COL28A1: variants seen among roughly 807,000 people sequenced by gnomAD.
COL28A1 encodes collagen type XXVIII alpha 1 chain.
In COL28A1, 161 loss-of-function variants were observed where a neutral mutation model predicts 150.2. The observed-to-expected ratio is 1.07, with a 90% CI of 0.94 to 1.22. The LOEUF (loss-of-function observed/expected upper bound fraction) is 1.22, where lower values mean the gene tolerates loss of function less well. COL28A1 is among the 50% of genes most tolerant of loss of function. The probability of loss-of-function intolerance (pLI) is 0.00; values close to 1 mark genes in which losing one functional copy is unlikely to be tolerated. For synonymous variants in COL28A1, 552 were observed against 469.7 expected (o/e 1.18, Z -2.26); for missense variants, 1,617 against 1,388.3 (o/e 1.16, Z -2.62).
upstream of COL28A1, among the ~76,000 whole-genome samples, chr7:7,539,747 T>C (rs1782753464): frequency 6.6e-6 from 1 of 152,192 alleles, no homozygotes; most frequent in Admixed American, 6.5e-5. Context: ...ACATTCCCTC[T>C]ACTATTTTTC....
At chr7:7,445,384 C>G (rs1041007104) in intron 18 of COL28A1, among the ~76,000 whole-genome samples, 3 of 152,122 alleles carry the variant, frequency 2.0e-5, no homozygotes, top group Admixed American at 2.0e-4. Context: ...GACCAGGAAG[C>G]AATCTCCCTT....
chr7:7,393,821 C>G (rs148254713), intron 27 of COL28A1, among the ~76,000 whole-genome samples: 1,715 of 152,260 alleles, frequency 0.011, 23 homozygotes, highest in Non-Finnish European at 0.014. Flanking sequence ...GACTGCTGTG[C>G]TGGCAGTGAG....
At position 7,455,287 on chromosome 7, in the gene COL28A1, G is replaced by C. The variant is rs76196298; in HGVS notation, c.1371+757C>G. Reference sequence around the variant, plus strand: ...GTGGGTTGCTTTGATTAATAAGGCTGCGTAAGTATATGGCAAACAACAAAG... The same window carrying C: ...GTGGGTTGCTTTGATTAATAAGGCTCCGTAAGTATATGGCAAACAACAAAG... On this transcript the variant is annotated intron_variant, in intron 16 of 34. Coordinates refer to ENST00000399429, the MANE Select transcript of COL28A1 (RefSeq NM_001037763.3). Among the ~76,000 whole-genome samples the C allele has an allele frequency of 2.6e-3, 394 of 152,308 alleles. 2 individuals are homozygous for C. Among genetic ancestry groups the C allele is most frequent in the African/African-American group, 9.0e-3 (374 of 41,572 alleles).
rs542010109 is a variant in COL28A1 at position 7,380,657 on chromosome 7, C to T, written c.2322+3G>A. 2.5e-6 allele frequency: 4 copies of T among 1,612,844 alleles called. No homozygotes were observed. Among genetic ancestry groups the T allele is most frequent in the Admixed American group, 3.3e-5 (2 of 60,006 alleles). On this transcript the variant is annotated splice_donor_region_variant and intron_variant, in intron 30 of 34. Transcript: ENST00000399429. ...TCAATTACCCTCTAGAATGGATACT[C>T]ACTGTAAGTCCTAGGTCTCCTTTGG...
At chr7:7,391,784 T>C (rs925618258) in intron 27 of COL28A1, among the ~76,000 whole-genome samples, 1 of 146,640 alleles carries the variant, frequency 6.8e-6, no homozygotes, top group African/African-American at 2.5e-5. Flanking sequence ...TATCAGAGAC[T>C]AGGATTGCAA....
intron 33 of COL28A1, among the ~76,000 whole-genome samples, chr7:7,364,555 T>A (rs1780835892): frequency 6.6e-6 from 1 of 152,226 alleles, no homozygotes; most frequent in Non-Finnish European, 1.5e-5. Context: ...TAAGATGCTA[T>A]ATAAGACCAA....
At chr7:7,411,167 G>C (rs1783770450) in intron 27 of COL28A1, among the ~76,000 whole-genome samples, 1 of 152,126 alleles carries the variant, frequency 6.6e-6, no homozygotes, top group Admixed American at 6.6e-5. Context: ...AAAGACACCT[G>C]ATTCTATTAA....
Position 7,531,757 on chromosome 7 carries a change from A to C in COL28A1, c.272T>G (p.Ile91Ser). 6.2e-7 allele frequency: 1 copy of C among 1,609,798 alleles called. No homozygotes were observed. Among genetic ancestry groups the C allele is most frequent in the Non-Finnish European group, 8.5e-7 (1 of 1,176,032 alleles). Residue 91 changes from isoleucine (I) to serine (S), a missense_variant, in exon 3 of 35, where the codon ATC becomes AGC. Physicochemically the swap from Ile to Ser is moderately radical, Grantham distance 142. Transcript: ENST00000399429. ...GCTAAACTGAAGGGCTGCCAGTTTG[A>C]TGTCATATTCCAAGGAGCGACCAGG... ...LTPGRSLEYD[I>S]KLAALQFSSS...
chr7:7,391,077 G>A (rs115121051), intron 27 of COL28A1, among the ~76,000 whole-genome samples: 3,130 of 152,150 alleles, frequency 0.021, 105 homozygotes, highest in African/African-American at 0.072. Context: ...TTAGGGTGTC[G>A]ATTTTAAATC....
chr7:7,504,400 C>T (rs1210952347), intron 11 of COL28A1, among the ~76,000 whole-genome samples: 2 of 152,060 alleles, frequency 1.3e-5, no homozygotes, highest in South Asian at 2.1e-4. Context: ...ATTTTGGAGG[C>T]TGAGGCAGGA....
chr7:7,527,595 T>G (rs755760308), intron 3 of COL28A1, among the ~76,000 whole-genome samples: 6 of 152,036 alleles, frequency 3.9e-5, no homozygotes, highest in Admixed American at 1.3e-4. Context: ...AGGAGAACAG[T>G]GTCAAAGCCT....
At position 7,419,796 on chromosome 7, in the gene COL28A1, A is replaced by AAG. The variant is rs1784294361; in HGVS notation, c.2067+87_2067+88dup. 3 of 775,270 alleles carry AAG rather than the reference A, an allele frequency of 3.9e-6. No individual in the cohort carries two copies. In the East Asian group the frequency reaches 9.1e-5, roughly 24 times the overall value. The allele number at this position is 775,270 out of a possible 1,614,324, so 48.0% of individuals were successfully genotyped here. ...ACCAAGAAAAAAATAAGTCAACACC[A>AAG]AGACGAACACTTATTATGAAGTTAC... On this transcript the variant is annotated intron_variant, in intron 26 of 34. Transcript: ENST00000399429.
chr7:7,447,056 C>T (rs1489254337), intron 18 of COL28A1, among the ~76,000 whole-genome samples: 2 of 152,150 alleles, frequency 1.3e-5, no homozygotes, highest in Admixed American at 1.3e-4. Context: ...AATAAAACCT[C>T]ACAATTCTGA....
intron 15 of COL28A1, among the ~76,000 whole-genome samples, chr7:7,459,330 T>G (rs1325063778): frequency 3.3e-5 from 5 of 152,214 alleles, no homozygotes. Context: ...AGCTAAGAGA[T>G]TGAACAAAGA....
At chr7:7,386,879 C>T (rs1365968891) in intron 27 of COL28A1, among the ~76,000 whole-genome samples, 4 of 152,136 alleles carry the variant, frequency 2.6e-5, no homozygotes, top group Non-Finnish European at 4.4e-5. Context: ...TCTCACAGTT[C>T]TGGAGGCTAG....
At chr7:7,482,500 G>A (rs988313078) in intron 13 of COL28A1, among the ~76,000 whole-genome samples, 1 of 151,310 alleles carries the variant, frequency 6.6e-6, no homozygotes, top group South Asian at 2.1e-4. Context: ...GCTCCAGCCT[G>A]GGGGACAAGA....
intron 20 of COL28A1, among the ~76,000 whole-genome samples, chr7:7,441,111 TTTGG>T (rs1785748076): frequency 6.6e-6 from 1 of 152,222 alleles, no homozygotes; most frequent in South Asian, 2.1e-4. Flanking sequence ...GTATCTTTCT[TTTGG>T]AACTTTTGTT....
At chr7:7,361,455 C>A (rs565095273) in intron 33 of COL28A1, among the ~76,000 whole-genome samples, 3 of 152,194 alleles carry the variant, frequency 2.0e-5, no homozygotes, top group Non-Finnish European at 4.4e-5. Context: ...TACACTCCCA[C>A]CAACTGTTTA....
chr7:7,497,480 C>T (rs1482789767), intron 11 of COL28A1, among the ~76,000 whole-genome samples: 1 of 152,060 alleles, frequency 6.6e-6, no homozygotes, highest in East Asian at 1.9e-4. Flanking sequence ...AATCATAGAG[C>T]CAATAAAATA....
Sources: gnomAD v4.1 joint callset for allele counts (sites outside exome capture counted in the v4.1 genomes callset) on GRCh38, gnomAD v4.1.1 for gene constraint, MANE v1.5 for transcripts, NCBI Gene and HGNC (gene_info 2026-07-23, HGNC 2026-07-21) for gene names.